Variants in CAMK1D observed in about 807,000 individuals in gnomAD.
CAMK1D encodes the protein calcium/calmodulin-dependent protein kinase type 1D.
In CAMK1D, 9 loss-of-function variants were observed where a neutral mutation model predicts 47.7. The ratio of observed to expected loss-of-function variants is 0.19; its 90% CI spans 0.11 to 0.33. CAMK1D has a LOEUF of 0.33. CAMK1D is among the 10% of genes least tolerant of loss of function. The pLI is 1.00. For missense variants in CAMK1D, 291 were observed against 488.7 expected, an observed-to-expected ratio of 0.60 and a Z score of 3.81; for synonymous variants, 184 against 184.9, an observed-to-expected ratio of 0.99 and a Z score of 0.04.
chr10:12,668,118 G>A (rs1840490693), intron 3 of CAMK1D, among the ~76,000 whole-genome samples: 1 of 152,116 alleles, frequency 6.6e-6, no homozygotes, highest in African/African-American at 2.4e-5. Flanking sequence ...GTTACACTTT[G>A]CCGTATTTCT....
At chr10:12,385,786 G>A (rs1479163161) in intron 1 of CAMK1D, among the ~76,000 whole-genome samples, 3 of 124,806 alleles carry the variant, frequency 2.4e-5, no homozygotes, top group Admixed American at 2.0e-4. Context: ...CACTCTTGTT[G>A]CCCAGGCTGG....
At chr10:12,676,632 G>C (rs1240728885) in intron 3 of CAMK1D, among the ~76,000 whole-genome samples, 1 of 152,170 alleles carries the variant, frequency 6.6e-6, no homozygotes, top group Non-Finnish European at 1.5e-5. Flanking sequence ...TGAGGAACCT[G>C]AGCAGAGAGG....
intron 2 of CAMK1D, among the ~76,000 whole-genome samples, chr10:12,613,774 G>A (rs773982423): frequency 1.3e-5 from 2 of 152,194 alleles, no homozygotes. Context: ...CGCCGCACCC[G>A]GCCTAGGATT....
In CAMK1D at chr10:12,365,562, C is replaced by A. The variant is rs1413044656; in HGVS notation, c.92+15652C>A. On this transcript the variant is annotated intron_variant, in intron 1 of 10. Coordinates refer to ENST00000619168, the MANE Select transcript of CAMK1D (RefSeq NM_153498.4). ...CACGCCATTCTCCTGCCTCAGCCTC[C>A]CGAGTAGCTGGGACTACAGGCGCTT... Among the ~76,000 whole-genome samples, 3 of 152,114 alleles carry A rather than the reference C, an allele frequency of 2.0e-5. No homozygotes were observed. The East Asian group carries it at 5.8e-4, about 30-fold the overall frequency.
Position 12,660,357 on chromosome 10 carries a change from C to G in CAMK1D, c.225-6379C>G, listed in dbSNP as rs1295062856. Among the ~76,000 whole-genome samples, 3 of 152,320 alleles carry G rather than the reference C, an allele frequency of 2.0e-5. No individual in the cohort carries two copies. In the East Asian group the frequency reaches 5.8e-4, roughly 29 times the overall value. ...TGAGGCTGGAGGGGAAGATGTTACT[C>G]TCACTCCACAGAAGCACGTGTAGTC... is the stretch of plus-strand genomic sequence containing the variant. On this transcript the variant is annotated intron_variant, in intron 2 of 10. Coordinates refer to ENST00000619168, the MANE Select transcript of CAMK1D (RefSeq NM_153498.4).
At chr10:12,767,881 A>G (rs1016537152) in intron 4 of CAMK1D, among the ~76,000 whole-genome samples, 1 of 152,022 alleles carries the variant, frequency 6.6e-6, no homozygotes, top group African/African-American at 2.4e-5. Flanking sequence ...TTAGTTAGTT[A>G]GTTATTTTGA....
At chr10:12,621,928 T>C (rs979579921) in intron 2 of CAMK1D, among the ~76,000 whole-genome samples, 1 of 152,288 alleles carries the variant, frequency 6.6e-6, no homozygotes, top group South Asian at 2.1e-4. Context: ...GGTATTGCCT[T>C]GTTACTGCCA....
chr10:12,368,765 G>A (rs1274279520), intron 1 of CAMK1D, among the ~76,000 whole-genome samples: 2 of 151,040 alleles, frequency 1.3e-5, no homozygotes, highest in South Asian at 2.1e-4. Context: ...AAAAGAAAGA[G>A]TATAACACAT....
At chr10:12,438,267 G>A (rs79222494) in intron 1 of CAMK1D, among the ~76,000 whole-genome samples, 17 of 152,264 alleles carry the variant, frequency 1.1e-4, no homozygotes, top group African/African-American at 3.1e-4. Context: ...TTTTCCTTTT[G>A]TTTTTGGCTG....
chr10:12,710,988 CT>C (rs932401777), intron 3 of CAMK1D, among the ~76,000 whole-genome samples: 2 of 152,160 alleles, frequency 1.3e-5, no homozygotes, highest in African/African-American at 2.4e-5. Context: ...GAATGTATTG[CT>C]TGTGTATTTC....
intron 2 of CAMK1D, among the ~76,000 whole-genome samples, chr10:12,586,266 C>T (rs761251435): frequency 6.6e-6 from 1 of 152,018 alleles, no homozygotes; most frequent in Non-Finnish European, 1.5e-5. Flanking sequence ...GCATTTCTGT[C>T]ATGGCTAAAG....
At chr10:12,632,165 C>T (rs930279260) in intron 2 of CAMK1D, among the ~76,000 whole-genome samples, 30 of 152,176 alleles carry the variant, frequency 2.0e-4, no homozygotes, top group African/African-American at 6.3e-4. Flanking sequence ...TGCTAAGATT[C>T]GCATCCCTTC....
chr10:12,464,414 C>T (rs1341091489), intron 1 of CAMK1D, among the ~76,000 whole-genome samples: 1 of 152,230 alleles, frequency 6.6e-6, no homozygotes, highest in Non-Finnish European at 1.5e-5. Context: ...AAGGCTGATG[C>T]TCTCAGAAGG....
intron 1 of CAMK1D, among the ~76,000 whole-genome samples, chr10:12,539,215 C>A (rs1434634204): frequency 6.6e-6 from 1 of 152,092 alleles, no homozygotes; most frequent in Non-Finnish European, 1.5e-5. Flanking sequence ...AGCCAAACGT[C>A]CCTTTAATGT....
chr10:12,567,335 G>A (rs965586531), intron 2 of CAMK1D, among the ~76,000 whole-genome samples: 12 of 152,150 alleles, frequency 7.9e-5, no homozygotes, highest in African/African-American at 2.4e-4. Context: ...ACAAAGGGAG[G>A]CAGCTTTCCC....
At chr10:12,774,804 G>A (rs1358518834) in intron 5 of CAMK1D, among the ~76,000 whole-genome samples, 1 of 152,256 alleles carries the variant, frequency 6.6e-6, no homozygotes, top group Non-Finnish European at 1.5e-5. Context: ...AGAGATTTAG[G>A]TTGCGCGCTC....
At chr10:12,741,169 A>G (rs1053181794) in intron 3 of CAMK1D, among the ~76,000 whole-genome samples, 10 of 152,200 alleles carry the variant, frequency 6.6e-5, no homozygotes, top group African/African-American at 2.2e-4. Context: ...AATGAAGGAA[A>G]CGCATGGATT....
chr10:12,457,219 T>C (rs1053496303), intron 1 of CAMK1D, among the ~76,000 whole-genome samples: 4 of 152,052 alleles, frequency 2.6e-5, no homozygotes, highest in Non-Finnish European at 4.4e-5. Flanking sequence ...GGTGAAAGCC[T>C]GTGTATACTA....
intron 1 of CAMK1D, among the ~76,000 whole-genome samples, chr10:12,534,110 C>T (rs1422284422): frequency 6.6e-6 from 1 of 152,218 alleles, no homozygotes; most frequent in African/African-American, 2.4e-5. Context: ...TTTGGTGCAA[C>T]AGGCCAATGT....
Sources: gnomAD v4.1 joint callset for allele counts (sites outside exome capture counted in the v4.1 genomes callset) on GRCh38, gnomAD v4.1.1 for gene constraint, MANE v1.5 for transcripts, NCBI Gene and HGNC (gene_info 2026-07-23, HGNC 2026-07-21) for gene names.